The following CDC73 variants were observed in gnomAD, a reference collection of about 807,000 sequenced individuals.
CDC73 encodes parafibromin.
In CDC73, 21 loss-of-function variants were observed where a neutral mutation model predicts 83.7. That is an observed-to-expected ratio of 0.25 (90% CI 0.18 to 0.36). The LOEUF is 0.36. Among genes scored for constraint, CDC73 ranks in the 10% least tolerant of loss-of-function variants. CDC73 has a pLI of 1.00. For synonymous variants in CDC73, 224 were observed against 212.9 expected (o/e 1.05, Z -0.45); for missense variants, 342 against 653.3 (o/e 0.52, Z 5.19).
chr1:193,218,337 G>T (rs1219787009), intron 13 of CDC73, among the ~76,000 whole-genome samples: 1 of 152,184 alleles, frequency 6.6e-6, no homozygotes, highest in African/African-American at 2.4e-5. Flanking sequence ...GGCCATAACT[G>T]CCCAAAACAA....
chr1:193,247,092 A>G (rs765797424), intron 15 of CDC73, among the ~76,000 whole-genome samples: 4 of 152,142 alleles, frequency 2.6e-5, no homozygotes, highest in Non-Finnish European at 4.4e-5. Flanking sequence ...GCTTTGCTTT[A>G]TCAGGCTTTG....
chr1:193,166,067 T>A (rs1249130343), intron 10 of CDC73, among the ~76,000 whole-genome samples: 1 of 152,214 alleles, frequency 6.6e-6, no homozygotes, highest in Non-Finnish European at 1.5e-5. Flanking sequence ...TTAGAAACTT[T>A]AATGTGAAAT....
chr1:193,155,199 T>C (rs1026845525), intron 10 of CDC73, among the ~76,000 whole-genome samples: 1 of 152,166 alleles, frequency 6.6e-6, no homozygotes, highest in Admixed American at 6.5e-5. Context: ...GAATCATGGG[T>C]TAGTGAAAGT....
At chr1:193,191,970 AATTATTAACACT>A (rs1427204151) in intron 10 of CDC73, among the ~76,000 whole-genome samples, 5 of 152,220 alleles carry the variant, frequency 3.3e-5, no homozygotes, top group Non-Finnish European at 5.9e-5. Context: ...TGATATTTAA[AATTATTAACACT>A]ATTAATTTAT....
chr1:193,175,812 C>G (rs1273639291), intron 10 of CDC73, among the ~76,000 whole-genome samples: 1 of 152,168 alleles, frequency 6.6e-6, no homozygotes, highest in Non-Finnish European at 1.5e-5. Flanking sequence ...CAATTCCCCA[C>G]AGATACAGAG....
chr1:193,206,837 C>T (rs1324498164), intron 11 of CDC73, among the ~76,000 whole-genome samples: 1 of 152,054 alleles, frequency 6.6e-6, no homozygotes, highest in Non-Finnish European at 1.5e-5. Flanking sequence ...TTGTGCCAGG[C>T]AAGTCTCTGG....
rs1675918475 is a variant in CDC73, at chr1:193,142,188, T to C, written c.729+122T>C. On this transcript the variant is annotated intron_variant, in intron 7 of 16. Transcript: ENST00000367435. ...GTGGAAGTTTCAAGTTTTATCTCTT[T>C]GAAAGCTCAGTAATAATGTAGATTT... 5.1e-6 allele frequency: 4 copies of C among 789,964 alleles called. No homozygotes were observed. The African/African-American group carries it at 6.8e-5, about 14-fold the overall frequency. 48.9% of individuals were successfully genotyped at this position (789,964 alleles called of 1,614,324 possible).
Position 193,133,210 on chromosome 1 carries a change from G to A in CDC73, c.308-2181G>A, listed in dbSNP as rs577045027. Among the ~76,000 whole-genome samples the A allele has an allele frequency of 1.2e-3, 187 of 151,986 alleles. 2 individuals carry two copies. Among genetic ancestry groups the A allele is most frequent in the Admixed American group, 3.5e-3 (54 of 15,254 alleles). The stretch of plus-strand genomic sequence containing the variant: ...GCCACCGCGCCTGGCAGTTTTTATA[G>A]GACAGAGTTAGTCACTAAGCGTATT... On this transcript the variant is annotated intron_variant, in intron 3 of 16. Transcript: ENST00000367435.
intron 10 of CDC73, among the ~76,000 whole-genome samples, chr1:193,189,773 T>C (rs1199585729): frequency 6.6e-6 from 1 of 152,228 alleles, no homozygotes; most frequent in Non-Finnish European, 1.5e-5. Flanking sequence ...TAATTATTTT[T>C]GTATTCATGT....
chr1:193,212,032 A>G (rs1334569957), intron 11 of CDC73, 33 bp from the exon 12 acceptor site: 7 of 1,528,902 alleles, frequency 4.6e-6, no homozygotes, highest in Non-Finnish European at 5.4e-6. Context: ...GGTTTTTATG[A>G]CACAGAGTTG....
intron 8 of CDC73, among the ~76,000 whole-genome samples, chr1:193,148,430 C>T (rs1676047151): frequency 6.6e-6 from 1 of 152,052 alleles, no homozygotes; most frequent in African/African-American, 2.4e-5. Flanking sequence ...GAGTTGACTG[C>T]CTTCTCTTTG....
rs1238969562 is a variant in CDC73 at position 193,129,488 on chromosome 1, A to ATTTATTTATTTG, written c.238-675_238-674insGTTTATTTATTT. 3.2e-3 allele frequency among the ~76,000 whole-genome samples: 51 copies of ATTTATTTATTTG among 15,758 alleles called. 1 individual carries two copies. The highest frequency in any genetic ancestry group is 0.031 in the Admixed American group (46 of 1,480). The allele number at this position is 15,758 out of a possible 152,430, so 10.3% of individuals were successfully genotyped here. A position where few individuals can be genotyped will look rare whatever the true frequency, so the allele number is the denominator to read the frequency against. On this transcript the variant is annotated intron_variant, in intron 2 of 16. Coordinates refer to ENST00000367435, the MANE Select transcript of CDC73 (RefSeq NM_024529.5). ...TATCTTCCTGGAATTTCAAAAAGAA[A>ATTTATTTATTTG]TTTATTTATTTATTTATTTATTTAT...
In CDC73 at chr1:193,220,157, CTTTTTTTTTTTTT is replaced by C. The variant is rs776793164; in HGVS notation, c.1154+7695_1154+7707del. Among the ~76,000 whole-genome samples, 20 of 108,790 alleles carry C rather than the reference CTTTTTTTTTTTTT, an allele frequency of 1.8e-4. 1 individual carries two copies. The highest frequency in any genetic ancestry group is 1.2e-3 in the South Asian group (4 of 3,256). The allele number at this position is 108,790 out of a possible 152,430, so 71.4% of individuals were successfully genotyped here. On this transcript the variant is annotated intron_variant, in intron 13 of 16. Coordinates refer to ENST00000367435, the MANE Select transcript of CDC73 (RefSeq NM_024529.5). ...TTTCTCAGTAAAGTAACAATGATAA[CTTTTTTTTTTTTT>C]TTTTTTTTTTTTTTGAGACGGAGTC...
At chr1:193,151,925 C>T (rs1413438979) in intron 9 of CDC73, among the ~76,000 whole-genome samples, 1 of 151,828 alleles carries the variant, frequency 6.6e-6, no homozygotes, top group Non-Finnish European at 1.5e-5. Context: ...AGAGTGAGAC[C>T]CTGTCTCAAA....
At chr1:193,150,438 C>A in intron 9 of CDC73, 56 bp downstream of exon 9, 2 of 1,214,330 alleles carry the variant, frequency 1.6e-6, no homozygotes, top group Non-Finnish European at 2.5e-6. Context: ...ACTTGAGAGG[C>A]AGTGTGGCCT....
chr1:193,251,869 C>G lies in CDC73; in HGVS notation c.*1157C>G, dbSNP rs1424707616. ...GTTTTTTTTTTTTCCTTAAAGGCAACTAGGAAGCTTTACTTTCCTAAAGTG... is the reference window on the plus strand; with the variant it reads ...GTTTTTTTTTTTTCCTTAAAGGCAAGTAGGAAGCTTTACTTTCCTAAAGTG... On this transcript the variant is annotated 3_prime_UTR_variant, in exon 17 of 17. Transcript: ENST00000367435. The G allele has an allele frequency of 4.4e-6, 1 of 229,566 alleles. No homozygotes were observed. The highest frequency in any genetic ancestry group is 6.2e-5 in the East Asian group (1 of 16,256). 14.2% of individuals were successfully genotyped at this position (229,566 alleles called of 1,614,324 possible).
chr1:193,237,927 T>G (rs1558321834), intron 15 of CDC73, among the ~76,000 whole-genome samples: 1 of 152,138 alleles, frequency 6.6e-6, no homozygotes, highest in Non-Finnish European at 1.5e-5. Flanking sequence ...ACAGAGTTGG[T>G]AAATGGGAAG....
rs752959843 is a variant in CDC73 at position 193,233,072 on chromosome 1, A to G, written c.1234A>G (p.Met412Val). ...ETLIQRRKDQMQPGGTAISVT... is the reference protein window; with the variant it reads ...ETLIQRRKDQVQPGGTAISVT... ...TCTAATACAAAGAAGAAAAGACCAG[A>G]TGCAACCAGGGGGCACTGCAATTAG... Residue 412 changes from methionine to valine, a missense_variant, in exon 14 of 17, where the codon ATG (methionine) becomes GTG (valine). By Grantham distance (21) the Met-to-Val change is conservative. Transcript: ENST00000367435. 6.2e-7 allele frequency: 1 copy of G among 1,613,284 alleles called. No homozygotes were observed. The highest frequency in any genetic ancestry group is 8.5e-7 in the Non-Finnish European group (1 of 1,179,284).
At chr1:193,244,624 A>G (rs982650934) in intron 15 of CDC73, among the ~76,000 whole-genome samples, 1 of 152,218 alleles carries the variant, frequency 6.6e-6, no homozygotes, top group Non-Finnish European at 1.5e-5. Context: ...TTATTCTTCA[A>G]CATAGGACAT....
Sources: gnomAD v4.1 joint callset for allele counts (sites outside exome capture counted in the v4.1 genomes callset) on GRCh38, gnomAD v4.1.1 for gene constraint, MANE v1.5 for transcripts, NCBI Gene and HGNC (gene_info 2026-07-23, HGNC 2026-07-21) for gene names.